SRGAP3: variants seen among roughly 807,000 people sequenced by gnomAD.
The protein encoded by SRGAP3 is SLIT-ROBO Rho GTPase-activating protein 3.
In SRGAP3, 39 loss-of-function variants were observed where a neutral mutation model predicts 121.1. That is an observed-to-expected ratio of 0.32 (90% CI 0.25 to 0.42). The LOEUF is 0.42. SRGAP3 is among the 10% of genes least tolerant of loss of function. The probability of loss-of-function intolerance (pLI) is 1.00; values close to 1 mark genes in which losing one functional copy is unlikely to be tolerated. For missense variants in SRGAP3, 1,213 were observed against 1,470.6 expected (o/e 0.82, Z 2.86); for synonymous variants, 601 against 570.0 (o/e 1.05, Z -0.77).
chr3:9,159,007 G>C (rs1480597689), intron 1 of SRGAP3, among the ~76,000 whole-genome samples: 1 of 152,196 alleles, frequency 6.6e-6, no homozygotes, highest in African/African-American at 2.4e-5. Flanking sequence ...TCACATGCCT[G>C]AGATGGAGCT....
intron 1 of SRGAP3, among the ~76,000 whole-genome samples, chr3:9,229,942 C>A (rs138416578): frequency 6.6e-6 from 1 of 152,082 alleles, no homozygotes; most frequent in Non-Finnish European, 1.5e-5. Flanking sequence ...CTATTCTGGC[C>A]TGAATGCTTT....
intron 3 of SRGAP3, among the ~76,000 whole-genome samples, chr3:9,090,816 T>C (rs1228577827): frequency 3.9e-5 from 6 of 152,136 alleles, no homozygotes; most frequent in Admixed American, 3.9e-4. Context: ...TTTGTATTTT[T>C]AGTAGAGACA....
At chr3:9,067,662 G>GGA (rs1468949849) in intron 4 of SRGAP3, among the ~76,000 whole-genome samples, 1 of 152,198 alleles carries the variant, frequency 6.6e-6, no homozygotes, top group Non-Finnish European at 1.5e-5. Flanking sequence ...GCGGCGGGAG[G>GGA]GAGAGCATCA....
intron 3 of SRGAP3, among the ~76,000 whole-genome samples, chr3:9,300,522 T>A (rs1432914585): frequency 6.6e-6 from 1 of 152,066 alleles, no homozygotes; most frequent in Non-Finnish European, 1.5e-5. Flanking sequence ...GTGTGGGCCT[T>A]GTCTCCTCAG....
chr3:9,254,973 GAAAGAA>G (rs914492553), intron 3 of SRGAP3, among the ~76,000 whole-genome samples: 1 of 146,842 alleles, frequency 6.8e-6, no homozygotes, highest in African/African-American at 2.5e-5. Context: ...AAAGAAAGGG[GAAAGAA>G]AAAGAAAAAG....
chr3:8,998,556 T>TAC (rs1559874005), intron 18 of SRGAP3, among the ~76,000 whole-genome samples: 6 of 6,754 alleles, frequency 8.9e-4, no homozygotes, highest in South Asian at 0.02. Flanking sequence ...ATATATATAC[T>TAC]ATATATATGT....
At chr3:9,337,366 T>C (rs1010585359) in intron 1 of SRGAP3, among the ~76,000 whole-genome samples, 24 of 152,208 alleles carry the variant, frequency 1.6e-4, no homozygotes, top group African/African-American at 5.1e-4. Flanking sequence ...TATGGACTTA[T>C]TATCTGTGGA....
intron 3 of SRGAP3, among the ~76,000 whole-genome samples, chr3:9,262,533 G>GAAAAAAAAAAAAAAAAAAA (rs1954274099): frequency 2.2e-4 from 1 of 4,476 alleles, no homozygotes; most frequent in South Asian, 5.4e-3. Flanking sequence ...CAAATGGAAA[G>GAAAAAAAAAAAAAAAAAAA]CAAAAAAAAA....
intron 3 of SRGAP3, among the ~76,000 whole-genome samples, chr3:9,312,051 C>T (rs1219658410): frequency 6.6e-6 from 1 of 152,212 alleles, no homozygotes; most frequent in East Asian, 1.9e-4. Flanking sequence ...GCACAATCGT[C>T]TGTGCATGTG....
chr3:9,099,439 A>C (rs1293747726), intron 3 of SRGAP3, among the ~76,000 whole-genome samples: 1 of 152,234 alleles, frequency 6.6e-6, no homozygotes, highest in Non-Finnish European at 1.5e-5. Context: ...TGAGGCTGGA[A>C]ATGGAATGGG....
At position 9,249,527 on chromosome 3, in the gene SRGAP3, T is replaced by G. The variant is rs1218055993; in HGVS notation, c.-576A>C. The G allele has an allele frequency of 4.1e-6, 1 of 243,150 alleles. No individual in the cohort carries two copies. The highest frequency in any genetic ancestry group is 8.1e-6 in the Non-Finnish European group (1 of 123,316). 15.1% of individuals were successfully genotyped at this position (243,150 alleles called of 1,614,324 possible). A position where few individuals can be genotyped will look rare whatever the true frequency, so the allele number is the denominator to read the frequency against. ...TCAGGTTGCCAAAGGGCCGGTCATCTCGCATCCTCCCTCCCTTCGGTGCCT... is the reference window on the plus strand; with the variant it reads ...TCAGGTTGCCAAAGGGCCGGTCATCGCGCATCCTCCCTCCCTTCGGTGCCT... On this transcript the variant is annotated 5_prime_UTR_variant, in exon 1 of 22. Transcript: ENST00000383836.
At chr3:9,029,888 T>A (rs113997109) in intron 12 of SRGAP3, among the ~76,000 whole-genome samples, 1 of 151,554 alleles carries the variant, frequency 6.6e-6, no homozygotes, top group Non-Finnish European at 1.5e-5. Flanking sequence ...ATGCCTGTAA[T>A]CCCAGGACTT....
intron 3 of SRGAP3, among the ~76,000 whole-genome samples, chr3:9,316,239 G>T (rs936087025): frequency 6.6e-6 from 1 of 150,896 alleles, no homozygotes; most frequent in Admixed American, 6.7e-5. Context: ...AGTGGAGACC[G>T]GGTTTCACCA....
chr3:9,110,711 C>G (rs1948592951), intron 2 of SRGAP3, among the ~76,000 whole-genome samples: 1 of 152,246 alleles, frequency 6.6e-6, no homozygotes, highest in African/African-American at 2.4e-5. Context: ...TCTCCCAGCC[C>G]TGGCTCCCTC....
chr3:9,053,519 T>C (rs1204038270), intron 8 of SRGAP3, among the ~76,000 whole-genome samples: 1 of 152,190 alleles, frequency 6.6e-6, no homozygotes, highest in Non-Finnish European at 1.5e-5. Context: ...GAACCCAGGT[T>C]TCTAGGTTTG....
In SRGAP3 at chr3:8,985,879, C is replaced by T. The variant is rs1375337233; in HGVS notation, c.2940G>A (p.Arg980=). ...TALHELRELE[R]QNTVKQAPDV... ...CTGGCGCCTGCTTGACCGTGTTCTGCCTCTCGAGTTCCCGCAACTCGTGCA... is the reference window on the plus strand; with the variant it reads ...CTGGCGCCTGCTTGACCGTGTTCTGTCTCTCGAGTTCCCGCAACTCGTGCA... The change falls in exon 22 of 22, where the codon AGG becomes AGA. Residue 980 remains arginine, a synonymous_variant. Transcript: ENST00000383836. The surrounding 1 kb of genome is among the most constrained non-coding windows in gnomAD (Gnocchi z 5.1). The T allele has an allele frequency of 1.3e-6, 2 of 1,599,944 alleles. No homozygotes were observed. Among genetic ancestry groups the T allele is most frequent in the Non-Finnish European group, 8.5e-7 (1 of 1,179,916 alleles).
intron 1 of SRGAP3, among the ~76,000 whole-genome samples, chr3:9,159,900 G>A (rs1950551694): frequency 6.6e-6 from 1 of 152,174 alleles, no homozygotes; most frequent in South Asian, 2.1e-4. Flanking sequence ...GAAGATGGAA[G>A]AAGGAAGAGG....
At chr3:9,094,745 T>A (rs989721814) in intron 3 of SRGAP3, among the ~76,000 whole-genome samples, 13 of 152,144 alleles carry the variant, frequency 8.5e-5, no homozygotes, top group Non-Finnish European at 1.8e-4. Flanking sequence ...TCACTGACCA[T>A]TGAAGTTTCA....
chr3:9,280,082 A>C (rs535252232), intron 3 of SRGAP3, among the ~76,000 whole-genome samples: 2 of 152,320 alleles, frequency 1.3e-5, no homozygotes, highest in Admixed American at 6.5e-5. Flanking sequence ...CATAGCGACC[A>C]CAAGTTAAGG....
Sources: allele counts gnomAD v4.1 joint callset (sites outside exome capture counted in the v4.1 genomes callset), GRCh38; gene constraint gnomAD v4.1.1; non-coding constraint Gnocchi (gnomAD v3.1); transcripts MANE v1.5; gene names NCBI Gene and HGNC (gene_info 2026-07-23, HGNC 2026-07-21).